Variants in NEK1 observed in about 807,000 individuals in gnomAD.
NEK1 encodes the protein serine/threonine-protein kinase Nek1.
Under a neutral mutation model 182.1 loss-of-function variants are expected in NEK1, and 137 were observed. The observed-to-expected ratio is 0.75, with a 90% confidence interval of 0.65 to 0.87. The LOEUF is 0.87. NEK1 is among the 40% of genes least tolerant of loss of function. The pLI, the probability that NEK1 is intolerant of heterozygous loss-of-function variation, is 0.00. For synonymous variants in NEK1, 513 were observed against 492.2 expected (o/e 1.04, Z -0.56); for missense variants, 1,391 against 1,494.4 (o/e 0.93, Z 1.14).
intron 18 of NEK1, 59 bp downstream of exon 18, chr4:169,555,661 T>C (rs986172353): frequency 1.9e-6 from 3 of 1,602,592 alleles, no homozygotes; most frequent in African/African-American, 1.3e-5. Context: ...TACTAAGCTA[T>C]GTATGACAAA....
At chr4:169,551,188 CA>C (rs538233248) in intron 18 of NEK1, among the ~76,000 whole-genome samples, 1 of 151,722 alleles carries the variant, frequency 6.6e-6, no homozygotes, top group African/African-American at 2.4e-5. Flanking sequence ...CTTTTTATTA[CA>C]AAAAAAACTT....
chr4:169,566,315 A>G (rs1415397342), intron 12 of NEK1, among the ~76,000 whole-genome samples: 2 of 152,212 alleles, frequency 1.3e-5, no homozygotes, highest in South Asian at 4.1e-4. Context: ...AGATATTCAA[A>G]TATTTATGAA....
intron 5 of NEK1, among the ~76,000 whole-genome samples, chr4:169,591,841 G>A (rs1252937431): frequency 1.3e-5 from 2 of 152,028 alleles, no homozygotes; most frequent in African/African-American, 2.4e-5. Flanking sequence ...ATATAATCAA[G>A]TTTAATAATA....
intron 10 of NEK1, among the ~76,000 whole-genome samples, chr4:169,582,546 T>C (rs1219909600): frequency 6.6e-6 from 1 of 151,640 alleles, no homozygotes; most frequent in African/African-American, 2.4e-5. Flanking sequence ...AACAAATGCA[T>C]TTTTTTCCTT....
At chr4:169,469,479 A>G (rs1216647790) in intron 26 of NEK1, among the ~76,000 whole-genome samples, 1 of 152,192 alleles carries the variant, frequency 6.6e-6, no homozygotes, top group Admixed American at 6.5e-5. Flanking sequence ...CTGTGGTCTG[A>G]GAGACCGTTT....
intron 19 of NEK1, among the ~76,000 whole-genome samples, chr4:169,530,886 A>T (rs1757573213): frequency 6.7e-6 from 1 of 149,566 alleles, no homozygotes; most frequent in Non-Finnish European, 1.5e-5. Context: ...GCAAAAAATG[A>T]GGTGCCAGTG....
intron 19 of NEK1, among the ~76,000 whole-genome samples, chr4:169,524,354 C>T (rs1159437443): frequency 1.3e-5 from 2 of 150,656 alleles, no homozygotes; most frequent in East Asian, 3.9e-4. Flanking sequence ...ATCCCAGCTA[C>T]TTGGAAGGCT....
chr4:169,570,843 C>A (rs957474055), intron 12 of NEK1, among the ~76,000 whole-genome samples: 1 of 152,198 alleles, frequency 6.6e-6, no homozygotes, highest in African/African-American at 2.4e-5. Context: ...AGAACAAATT[C>A]TTCTGCCTTG....
chr4:169,422,182 G>A (rs889935110), intron 31 of NEK1, among the ~76,000 whole-genome samples: 5 of 152,188 alleles, frequency 3.3e-5, no homozygotes, highest in African/African-American at 9.7e-5. Flanking sequence ...TTCAGTGGAC[G>A]AGCAGGCTAA....
At chr4:169,525,502 CTT>C (rs751936464) in intron 19 of NEK1, among the ~76,000 whole-genome samples, 19 of 151,884 alleles carry the variant, frequency 1.3e-4, no homozygotes, top group Middle Eastern at 3.2e-3. Context: ...TCAAAATAAA[CTT>C]AGCGTTGAAG....
At chr4:169,579,250 C>T (rs548617195) in intron 11 of NEK1, among the ~76,000 whole-genome samples, 28 of 152,308 alleles carry the variant, frequency 1.8e-4, no homozygotes, top group African/African-American at 6.3e-4. Context: ...TTTCATTCAA[C>T]CAAATGCTCT....
intron 31 of NEK1, among the ~76,000 whole-genome samples, chr4:169,408,716 T>TA (rs2111130116): frequency 1.3e-5 from 2 of 152,304 alleles, no homozygotes; most frequent in East Asian, 3.9e-4. Flanking sequence ...AATGAGAACA[T>TA]ACGCTATTTG....
At chr4:169,428,603 T>TA (rs1736861713) in intron 29 of NEK1, among the ~76,000 whole-genome samples, 1 of 151,534 alleles carries the variant, frequency 6.6e-6, no homozygotes, top group Non-Finnish European at 1.5e-5. Flanking sequence ...GCTTAACAGA[T>TA]AGAGAGGTGG....
At chr4:169,454,315 G>GACAAATAGATC (rs1742417837) in intron 27 of NEK1, among the ~76,000 whole-genome samples, 1 of 152,142 alleles carries the variant, frequency 6.6e-6, no homozygotes, top group Non-Finnish European at 1.5e-5. Flanking sequence ...GGCAACAAAA[G>GACAAATAGATC]CCAGAATAGA....
At chr4:169,408,741 AG>A (rs1333206265) in intron 31 of NEK1, among the ~76,000 whole-genome samples, 1 of 152,114 alleles carries the variant, frequency 6.6e-6, no homozygotes, top group Non-Finnish European at 1.5e-5. Context: ...TCTATTTCTG[AG>A]TTACTTCACT....
Position 169,400,416 on chromosome 4 carries a change from T to A in NEK1, c.3715-59A>T, listed in dbSNP as rs1035542329. The A allele has an allele frequency of 7.6e-6, 11 of 1,439,866 alleles. No individual in the cohort carries two copies. The East Asian group carries it at 2.7e-4, about 36-fold the overall frequency. 89.2% of individuals were successfully genotyped at this position (1,439,866 alleles called of 1,614,324 possible). A position where few individuals can be genotyped will look rare whatever the true frequency, so the allele number is the denominator to read the frequency against. On this transcript the variant is annotated intron_variant, in intron 34 of 35. Transcript: ENST00000507142. Reference sequence around the variant, plus strand: ...GAATAACTTTCTGTAATTGCAGACTTCACTTTTTATTTATAATAAATCTAA... The same window carrying A: ...GAATAACTTTCTGTAATTGCAGACTACACTTTTTATTTATAATAAATCTAA...
At chr4:169,407,132 C>T (rs1732783784) in intron 31 of NEK1, among the ~76,000 whole-genome samples, 1 of 152,108 alleles carries the variant, frequency 6.6e-6, no homozygotes, top group Non-Finnish European at 1.5e-5. Context: ...AGGAATCAGG[C>T]AGTGCTAGAA....
At chr4:169,610,517 C>T (rs2150172653) in intron 2 of NEK1, among the ~76,000 whole-genome samples, 1 of 151,650 alleles carries the variant, frequency 6.6e-6, no homozygotes, top group East Asian at 2.0e-4. Flanking sequence ...TTCGCCAGGT[C>T]AGCCAGGCTT....
At chr4:169,549,998 AT>A (rs1401121861) in intron 18 of NEK1, among the ~76,000 whole-genome samples, 1 of 152,130 alleles carries the variant, frequency 6.6e-6, no homozygotes, top group Non-Finnish European at 1.5e-5. Context: ...CAATTCTCAG[AT>A]TCTTTAATTA....
Sources: allele counts gnomAD v4.1 joint callset (sites outside exome capture counted in the v4.1 genomes callset), GRCh38; gene constraint gnomAD v4.1.1; transcripts MANE v1.5; gene names NCBI Gene and HGNC (gene_info 2026-07-23, HGNC 2026-07-21).